Variants in CELF6 observed in about 807,000 individuals in gnomAD.
The protein encoded by CELF6 is CUGBP Elav-like family member 6.
Under a neutral mutation model 53.1 loss-of-function variants are expected in CELF6, and 32 were observed. That is an observed-to-expected ratio of 0.60 (90% CI 0.46 to 0.81). The LOEUF (loss-of-function observed/expected upper bound fraction) is 0.81, where lower values mean the gene tolerates loss of function less well. Ranked by LOEUF, CELF6 falls within the 30% of genes least tolerant of loss-of-function variation. CELF6 has a pLI of 0.00. For synonymous variants in CELF6, 291 were observed against 288.8 expected, an observed-to-expected ratio of 1.01 and a Z score of -0.08; for missense variants, 539 against 669.5, an observed-to-expected ratio of 0.81 and a Z score of 2.15.
At chr15:72,314,010 G>A (rs1243506810) in intron 2 of CELF6, among the ~76,000 whole-genome samples, 2 of 152,152 alleles carry the variant, frequency 1.3e-5, no homozygotes, top group African/African-American at 4.8e-5. Flanking sequence ...AAGTCACAAA[G>A]CTAGTGAGTG....
chr15:72,310,679 C>T (rs535174391), intron 2 of CELF6, among the ~76,000 whole-genome samples: 18 of 151,890 alleles, frequency 1.2e-4, no homozygotes, highest in Non-Finnish European at 2.1e-4. Context: ...TTTGTAGAGA[C>T]GGGGTCTCAC....
At chr15:72,312,684 T>A (rs1567285267) in intron 2 of CELF6, among the ~76,000 whole-genome samples, 1 of 152,202 alleles carries the variant, frequency 6.6e-6, no homozygotes, top group Non-Finnish European at 1.5e-5. Context: ...GGTTTCAGAC[T>A]TTTCTCTCTG....
At chr15:72,298,110 G>C (rs1241510181) in intron 3 of CELF6, among the ~76,000 whole-genome samples, 1 of 152,198 alleles carries the variant, frequency 6.6e-6, no homozygotes. Context: ...GTCTATTTCT[G>C]ATTTAGGCCA....
intron 2 of CELF6, among the ~76,000 whole-genome samples, chr15:72,313,041 G>C (rs988380272): frequency 2.6e-5 from 4 of 152,232 alleles, no homozygotes; most frequent in African/African-American, 9.6e-5. Flanking sequence ...ATCAGAGGAA[G>C]CCAGGCCATG....
Position 72,289,421 on chromosome 15 carries a change from G to A in CELF6, c.834C>T (p.His278=). 4 of 1,552,816 alleles carry A rather than the reference G, an allele frequency of 2.6e-6. No individual in the cohort carries two copies. The highest frequency in any genetic ancestry group is 3.5e-6 in the Non-Finnish European group (4 of 1,157,320). ...PVAAVAAQMQ[H]VAAFSLVAAP... ...CAGCTACCAGGCTAAAGGCCGCCAC[G>A]TGTTGCATCTGGGCCGCCACTGCCG... The change falls in exon 7 of 13, where the codon CAC becomes CAT. Residue 278 remains histidine, a synonymous_variant. Transcript: ENST00000287202. The surrounding 1 kb of genome is among the most constrained non-coding windows in gnomAD (Gnocchi z 7.6).
intron 3 of CELF6, among the ~76,000 whole-genome samples, chr15:72,294,757 C>CT (rs905143780): frequency 7.9e-5 from 12 of 152,126 alleles, no homozygotes; most frequent in African/African-American, 2.9e-4. Context: ...GTGGGTGGAT[C>CT]ACATGAGGTC....
Position 72,289,815 on chromosome 15 carries a change from C to A in CELF6, c.604-45G>T. 6.8e-7 allele frequency: 1 copy of A among 1,463,516 alleles called. No homozygotes were observed. Among genetic ancestry groups the A allele is most frequent in the Non-Finnish European group, 9.0e-7 (1 of 1,111,558 alleles). The allele number at this position is 1,463,516 out of a possible 1,614,324, so 90.7% of individuals were successfully genotyped here. A position where few individuals can be genotyped will look rare whatever the true frequency, so the allele number is the denominator to read the frequency against. On this transcript the variant is annotated intron_variant, in intron 5 of 12. Coordinates refer to ENST00000287202, the MANE Select transcript of CELF6 (RefSeq NM_052840.5). This position sits in a 1 kb window ranked among gnomAD's most constrained non-coding sequence, Gnocchi z 7.6. ...CCGTGGTGACCGGTCCTGACCCTGG[C>A]CCCGGCCCGGGGCCGAGCGCCTTTC... is the stretch of plus-strand genomic sequence containing the variant.
chr15:72,292,234 A>AG, intron 3 of CELF6: 1 of 1,535,600 alleles, frequency 6.5e-7, no homozygotes, highest in Non-Finnish European at 8.7e-7. Context: ...CTGTTGTTTG[A>AG]GGGGGGATCT....
intron 3 of CELF6, among the ~76,000 whole-genome samples, chr15:72,302,561 T>C (rs1389335556): frequency 3.3e-5 from 5 of 152,208 alleles, no homozygotes; most frequent in African/African-American, 4.8e-5. Context: ...ATGTCATTGC[T>C]TAGAGCCCAG....
At position 72,289,505 on chromosome 15, in the gene CELF6, G is replaced by A. The variant is rs1300874080; in HGVS notation, c.750C>T (p.Ile250=). The A allele has an allele frequency of 2.0e-6, 3 of 1,514,506 alleles. No individual in the cohort carries two copies. Among genetic ancestry groups the A allele is most frequent in the South Asian group, 1.2e-5 (1 of 82,198 alleles). The allele number at this position is 1,514,506 out of a possible 1,614,324, so 93.8% of individuals were successfully genotyped here. A position where few individuals can be genotyped will look rare whatever the true frequency, so the allele number is the denominator to read the frequency against. Residue 250 remains isoleucine, a splice_region_variant and synonymous_variant, in exon 7 of 13, where the codon ATC becomes ATT. Coordinates refer to ENST00000287202, the MANE Select transcript of CELF6 (RefSeq NM_052840.5). This position sits in a 1 kb window ranked among gnomAD's most constrained non-coding sequence, Gnocchi z 7.6. ...LGACGAYTTA[I]LQHQAALLAA... ...CCAGCAGGGCCGCCTGGTGCTGCAGGATCTTTGAGAGGAAAGATGGGCGAG... is the reference window on the plus strand; with the variant it reads ...CCAGCAGGGCCGCCTGGTGCTGCAGAATCTTTGAGAGGAAAGATGGGCGAG...
intron 3 of CELF6, among the ~76,000 whole-genome samples, chr15:72,301,010 G>A (rs747276512): frequency 3.1e-4 from 47 of 151,604 alleles, no homozygotes; most frequent in Non-Finnish European, 3.2e-4. Flanking sequence ...TTAAGACAGG[G>A]TCTCATTCAT....
In CELF6 at chr15:72,289,774, G is replaced by A. The variant is rs552232686; in HGVS notation, c.604-4C>T. The A allele has an allele frequency of 5.8e-5, 84 of 1,452,416 alleles. 1 individual carries two copies. The Middle Eastern group carries it at 1.0e-3, about 17-fold the overall frequency. The allele number at this position is 1,452,416 out of a possible 1,614,324, so 90.0% of individuals were successfully genotyped here. On this transcript the variant is annotated splice_region_variant and splice_polypyrimidine_tract_variant and intron_variant, in intron 5 of 12. Transcript: ENST00000287202. This position sits in a 1 kb window ranked among gnomAD's most constrained non-coding sequence, Gnocchi z 7.6. ...CCACGAGGCTGGACGAGGCGCCCTGGGCAGGGCAGGGGAGGCCGTGGTGAC... is the reference window on the plus strand; with the variant it reads ...CCACGAGGCTGGACGAGGCGCCCTGAGCAGGGCAGGGGAGGCCGTGGTGAC...
Position 72,289,921 on chromosome 15 carries a change from C to T in CELF6, c.603+18G>A. 1 of 1,551,350 alleles carries T rather than the reference C, an allele frequency of 6.4e-7. No individual in the cohort carries two copies. The highest frequency in any genetic ancestry group is 8.7e-7 in the Non-Finnish European group (1 of 1,150,654). ...CACCCCACTGGCCTCACCCTCAGCC[C>T]AGGGAACCCGCCCTCACCGCCATGG... On this transcript the variant is annotated intron_variant, in intron 5 of 12. Coordinates refer to ENST00000287202, the MANE Select transcript of CELF6 (RefSeq NM_052840.5). The surrounding 1 kb of genome is among the most constrained non-coding windows in gnomAD (Gnocchi z 7.6).
Position 72,289,919 on chromosome 15 carries a change from C to T in CELF6, c.603+20G>A, listed in dbSNP as rs1245242656. On this transcript the variant is annotated intron_variant, in intron 5 of 12. Transcript: ENST00000287202. This position sits in a 1 kb window ranked among gnomAD's most constrained non-coding sequence, Gnocchi z 7.6. ...CCCACCCCACTGGCCTCACCCTCAG[C>T]CCAGGGAACCCGCCCTCACCGCCAT... 1 of 1,549,548 alleles carries T rather than the reference C, an allele frequency of 6.5e-7. No homozygotes were observed. Among genetic ancestry groups the T allele is most frequent in the African/African-American group, 1.4e-5 (1 of 73,364 alleles).
At chr15:72,287,444 C>T in intron 11 of CELF6, 52 bp from the exon 12 acceptor site, 2 of 1,606,584 alleles carry the variant, frequency 1.2e-6, no homozygotes, top group South Asian at 1.1e-5. Flanking sequence ...AGCAGGGCCT[C>T]CTTTCTCTCT....
chr15:72,318,583 G>C (rs1270582584), intron 1 of CELF6, among the ~76,000 whole-genome samples: 1 of 152,130 alleles, frequency 6.6e-6, no homozygotes, highest in African/African-American at 2.4e-5. Context: ...GCCCTGCCTG[G>C]ACAGACTTTT....
At chr15:72,293,874 A>C (rs369796593) in intron 3 of CELF6, among the ~76,000 whole-genome samples, 37 of 152,172 alleles carry the variant, frequency 2.4e-4, no homozygotes, top group African/African-American at 8.9e-4. Context: ...TGTATTTTTT[A>C]GTAGAGACAG....
Position 72,317,550 on chromosome 15 carries a change from A to G in CELF6, c.263-1623T>C, listed in dbSNP as rs957288498. Among the ~76,000 whole-genome samples, 6 of 152,314 alleles carry G rather than the reference A, an allele frequency of 3.9e-5. No individual in the cohort carries two copies. The East Asian group carries it at 7.7e-4, about 20-fold the overall frequency. The stretch of plus-strand genomic sequence containing the variant: ...AGGATTTGGAATGTCTTAACTCCCA[A>G]GCTGGGGTTGTTTTCAAAGCACTGT... On this transcript the variant is annotated intron_variant, in intron 1 of 12. Transcript: ENST00000287202.
chr15:72,297,217 T>C lies in CELF6; in HGVS notation c.395-6962A>G, dbSNP rs568899392. 2.9e-3 allele frequency among the ~76,000 whole-genome samples: 447 copies of C among 152,326 alleles called. 1 individual carries two copies. The highest frequency in any genetic ancestry group is 5.0e-3 in the Non-Finnish European group (339 of 68,034). The stretch of plus-strand genomic sequence containing the variant: ...TAACTACAGTCTCCATGCTATGCAA[T>C]AGATCACTAAAACTTCATCCTTCTG... On this transcript the variant is annotated intron_variant, in intron 3 of 12. Coordinates refer to ENST00000287202, the MANE Select transcript of CELF6 (RefSeq NM_052840.5).
Sources: gnomAD v4.1 joint callset for allele counts (sites outside exome capture counted in the v4.1 genomes callset) on GRCh38, gnomAD v4.1.1 for gene constraint, Gnocchi (gnomAD v3.1) non-coding constraint, MANE v1.5 for transcripts, NCBI Gene and HGNC (gene_info 2026-07-23, HGNC 2026-07-21) for gene names.